P2RX6: variants seen among roughly 807,000 people sequenced by gnomAD.
P2RX6 encodes the protein purinergic receptor P2X 6, also known as P2X purinoceptor 6.
In P2RX6, 62 loss-of-function variants were observed where a neutral mutation model predicts 54.2. That is an observed-to-expected ratio of 1.14 (90% confidence interval 0.93 to 1.41). The LOEUF (loss-of-function observed/expected upper bound fraction) is 1.41, where lower values mean the gene tolerates loss of function less well. P2RX6 is among the 40% of genes most tolerant of loss of function. The pLI is 0.00. For synonymous variants in P2RX6, 211 were observed against 231.9 expected, an observed-to-expected ratio of 0.91 and a Z score of 0.82; for missense variants, 541 against 566.3, an observed-to-expected ratio of 0.96 and a Z score of 0.45.
chr22:21,021,552 C>T (rs183155765), intron 3 of P2RX6, among the ~76,000 whole-genome samples: 13 of 152,274 alleles, frequency 8.5e-5, no homozygotes, highest in Non-Finnish European at 1.3e-4. Flanking sequence ...CCAATCACGA[C>T]GGCCCTGTCT....
chr22:21,016,281 G>A (rs1789589370), intron 2 of P2RX6, among the ~76,000 whole-genome samples, 189 bp downstream of exon 2: 1 of 152,146 alleles, frequency 6.6e-6, no homozygotes, highest in African/African-American at 2.4e-5. Context: ...GAGGTTTTGG[G>A]GTGGAAAAAG....
upstream of P2RX6, chr22:21,012,473 C>T: frequency 4.1e-6 from 2 of 489,512 alleles, no homozygotes; most frequent in South Asian, 1.9e-5. Flanking sequence ...GAGGCACATC[C>T]CTGAGGAAAG....
chr22:21,022,960 G>A lies in P2RX6; in HGVS notation c.482G>A (p.Cys161Tyr), dbSNP rs1927687196. The change falls in exon 5 of 12, where the codon TGT becomes TAT. Residue 161 changes from cysteine to tyrosine, a missense_variant. This residue lies in a region of P2RX6 where 526 missense variants were observed against 531.5 expected (regional missense o/e 0.99). Transcript: ENST00000413302. ...THSHGVKTGQ[C>Y]VVFNGTHRTC... The stretch of plus-strand genomic sequence containing the variant: ...TTTCTAGGTGTAAAAACAGGCCAGT[G>A]TGTGGTGTTCAATGGGACCCACAGG... 6.2e-7 allele frequency: 1 copy of A among 1,613,808 alleles called. No homozygotes were observed. Among genetic ancestry groups the A allele is most frequent in the Middle Eastern group, 1.6e-4 (1 of 6,062 alleles).
chr22:21,026,220 G>A lies in P2RX6; in HGVS notation c.1051-32G>A, dbSNP rs1199354425. 6.4e-7 allele frequency: 1 copy of A among 1,566,166 alleles called. No homozygotes were observed. ...AGGTGGCAGGAGAGCAGGCTCGGGG[G>A]CTGGAACATGGGTTGGCCCTGCCTC... On this transcript the variant is annotated intron_variant, in intron 10 of 11. Coordinates refer to ENST00000413302, the MANE Select transcript of P2RX6 (RefSeq NM_005446.5). This position sits in a 1 kb window ranked among gnomAD's most constrained non-coding sequence, Gnocchi z 4.0.
chr22:21,015,433 G>A lies in P2RX6; in HGVS notation c.164+95G>A, dbSNP rs1036000099. On this transcript the variant is annotated intron_variant, in intron 1 of 11. Coordinates refer to ENST00000413302, the MANE Select transcript of P2RX6 (RefSeq NM_005446.5). ...CTGGGTTGAAGTTGAGGGTTGGGCT[G>A]TTTAGGGGCTGGAGTGGAAGGGGGC... 6.2e-6 allele frequency: 8 copies of A among 1,292,604 alleles called. No individual in the cohort carries two copies. In the African/African-American group the frequency reaches 7.7e-5, roughly 13 times the overall value. The allele number at this position is 1,292,604 out of a possible 1,614,324, so 80.1% of individuals were successfully genotyped here.
At position 21,026,639 on chromosome 22, in the gene P2RX6, T is replaced by A. The variant is rs374125004; in HGVS notation, c.*22T>A. 8.3e-6 allele frequency: 13 copies of A among 1,561,442 alleles called. No individual in the cohort carries two copies. In the African/African-American group the frequency reaches 1.4e-4, roughly 16 times the overall value. On this transcript the variant is annotated 3_prime_UTR_variant, in exon 12 of 12. Transcript: ENST00000413302. The surrounding 1 kb of genome is among the most constrained non-coding windows in gnomAD (Gnocchi z 4.0). ...GTAGCCGTTCCCTGCTGGTTGAGAGTTGGGGGCTGGGAAGGGCGGGGCCCT... is the reference window on the plus strand; with the variant it reads ...GTAGCCGTTCCCTGCTGGTTGAGAGATGGGGGCTGGGAAGGGCGGGGCCCT...
upstream of P2RX6, among the ~76,000 whole-genome samples, chr22:21,011,178 C>T (rs1173135038): frequency 6.7e-6 from 1 of 149,854 alleles, no homozygotes; most frequent in Non-Finnish European, 1.5e-5. Context: ...CCAGCACATA[C>T]AGCAGCGCGC....
chr22:21,015,609 G>A (rs1478923725), intron 1 of P2RX6, among the ~76,000 whole-genome samples: 1 of 152,108 alleles, frequency 6.6e-6, no homozygotes, highest in Non-Finnish European at 1.5e-5. Context: ...TAACATCTGT[G>A]AGAGCTGGAG....
At chr22:21,015,046 G>A (rs1926092125), upstream of P2RX6, 1 of 557,866 alleles carries the variant, frequency 1.8e-6, no homozygotes, top group Non-Finnish European at 3.0e-6. Flanking sequence ...GGGGTTGAGG[G>A]CTGGGTGTTG....
chr22:21,015,255 G>A lies in P2RX6; in HGVS notation c.81G>A (p.Thr27=), dbSNP rs569545235. 17 of 1,541,542 alleles carry A rather than the reference G, an allele frequency of 1.1e-5. No individual in the cohort carries two copies. The highest frequency in any genetic ancestry group is 8.6e-5 in the African/African-American group (6 of 69,522). The change falls in exon 1 of 12, where the codon ACG becomes ACA. Residue 27 remains threonine, a synonymous_variant. Coordinates refer to ENST00000413302, the MANE Select transcript of P2RX6 (RefSeq NM_005446.5). ...GCTGGGGGCTTCTGGATTATAAGAC[G>A]GAGAAGTATGTGATGACCAGGAACT... ...TTGWGLLDYK[T]EKYVMTRNWR... is the part of the protein sequence containing the mutation.
At chr22:21,021,169 G>T (rs888989175) in intron 3 of P2RX6, among the ~76,000 whole-genome samples, 1 of 151,914 alleles carries the variant, frequency 6.6e-6, no homozygotes, top group African/African-American at 2.4e-5. Flanking sequence ...TAGCAATGAG[G>T]TCTTGCTTTG....
chr22:21,014,454 G>T (rs1925998355), upstream of P2RX6, among the ~76,000 whole-genome samples: 1 of 152,196 alleles, frequency 6.6e-6, no homozygotes, highest in South Asian at 2.1e-4. Flanking sequence ...GAGGCTCCTC[G>T]CCTGAGAGGA....
At chr22:21,024,867 G>GT (rs1447107084) in intron 8 of P2RX6, among the ~76,000 whole-genome samples, 46 of 103,832 alleles carry the variant, frequency 4.4e-4, no homozygotes, top group East Asian at 1.4e-3. Context: ...CACCAAGCCT[G>GT]TTTTTTTTGT....
At chr22:21,016,824 A>G (rs551257662) in intron 2 of P2RX6, among the ~76,000 whole-genome samples, 6 of 152,134 alleles carry the variant, frequency 3.9e-5, no homozygotes, top group South Asian at 4.2e-4. Flanking sequence ...CCCAGCCTCA[A>G]CTGCCACTTC....
chr22:21,018,217 G>A (rs1205848812), intron 3 of P2RX6, 157 bp downstream of exon 3: 25 of 655,170 alleles, frequency 3.8e-5, no homozygotes, highest in Non-Finnish European at 6.4e-5. Context: ...GAATCATTAT[G>A]TTCAGTCTTC....
At chr22:21,019,238 T>C (rs931367721) in intron 3 of P2RX6, among the ~76,000 whole-genome samples, 5 of 152,234 alleles carry the variant, frequency 3.3e-5, no homozygotes, top group African/African-American at 1.2e-4. Context: ...TGAGCCCTGG[T>C]GGCTGGTCCT....
In P2RX6 at chr22:21,016,075, T is replaced by G; in HGVS notation, c.298T>G (p.Phe100Val). The G allele has an allele frequency of 6.4e-7, 1 of 1,563,522 alleles. No homozygotes were observed. Among genetic ancestry groups the G allele is most frequent in the South Asian group, 1.2e-5 (1 of 84,878 alleles). ...AAACCGGCTGTGGGATGTGGCCGACTTCGTGAAGCCACCTCAGGTGGGGGC... is the reference window on the plus strand; with the variant it reads ...AAACCGGCTGTGGGATGTGGCCGACGTCGTGAAGCCACCTCAGGTGGGGGC... ...LGNRLWDVAD[F>V]VKPPQGENVF... is the part of the protein sequence containing the mutation. The change falls in exon 2 of 12, where the codon TTC (phenylalanine) becomes GTC (valine). Residue 100 changes from phenylalanine to valine, a missense_variant. By Grantham distance (50) the Phe-to-Val change is conservative. Transcript: ENST00000413302.
intron 8 of P2RX6, among the ~76,000 whole-genome samples, chr22:21,024,536 A>G (rs904289343): frequency 6.6e-6 from 1 of 151,988 alleles, no homozygotes; most frequent in African/African-American, 2.4e-5. Context: ...TCAGCCTCCC[A>G]TAGTGCTGGG....
chr22:21,023,750 G>A, intron 8 of P2RX6, 132 bp downstream of exon 8: 2 of 679,596 alleles, frequency 2.9e-6, no homozygotes, highest in Non-Finnish European at 5.2e-6. Context: ...CCAGGAGCAG[G>A]AGAGAGCTGT....
Sources: gnomAD v4.1 joint callset for allele counts (sites outside exome capture counted in the v4.1 genomes callset) on GRCh38, gnomAD v4.1.1 for gene constraint, gnomAD v4.1.1 regional missense constraint, Gnocchi (gnomAD v3.1) non-coding constraint, MANE v1.5 for transcripts, NCBI Gene and HGNC (gene_info 2026-07-23, HGNC 2026-07-21) for gene names.